The following CASZ1 variants were observed in gnomAD, a reference collection of about 807,000 sequenced individuals.
CASZ1 encodes the protein castor zinc finger 1.
Under a neutral mutation model 135.2 loss-of-function variants are expected in CASZ1, and 28 were observed. The ratio of observed to expected loss-of-function variants is 0.21; its 90% confidence interval spans 0.15 to 0.28. The LOEUF (loss-of-function observed/expected upper bound fraction) is 0.28, where lower values mean the gene tolerates loss of function less well. Among genes scored for constraint, CASZ1 ranks in the 10% least tolerant of loss-of-function variants. The probability of loss-of-function intolerance (pLI) is 1.00; values close to 1 mark genes in which losing one functional copy is unlikely to be tolerated. For missense variants in CASZ1, 2,161 were observed against 2,453.3 expected (o/e 0.88, Z 2.52); for synonymous variants, 1,068 against 1,073.4 (o/e 0.99, Z 0.10).
intron 4 of CASZ1, among the ~76,000 whole-genome samples, chr1:10,677,890 C>T (rs546205732): frequency 6.6e-6 from 1 of 152,334 alleles, no homozygotes; most frequent in East Asian, 1.9e-4. Context: ...CCAGCACCTG[C>T]GGTGTGCGAG....
At chr1:10,728,583 CTTCTT>C (rs1639637902) in intron 2 of CASZ1, among the ~76,000 whole-genome samples, 1 of 152,022 alleles carries the variant, frequency 6.6e-6, no homozygotes, top group South Asian at 2.1e-4. Context: ...TCTTTCTTGG[CTTCTT>C]TTTTTAATTA....
At chr1:10,680,515 G>C (rs1292674648) in intron 4 of CASZ1, among the ~76,000 whole-genome samples, 2 of 152,210 alleles carry the variant, frequency 1.3e-5, no homozygotes, top group Admixed American at 6.5e-5. Flanking sequence ...GGGATCCTGG[G>C]AGGATGGCTT....
chr1:10,702,981 A>AGAG (rs1356685796), intron 3 of CASZ1, among the ~76,000 whole-genome samples: 4 of 151,908 alleles, frequency 2.6e-5, no homozygotes, highest in South Asian at 4.2e-4. Context: ...AGAGAGAGAG[A>AGAG]GAGAGCGCCA....
intron 2 of CASZ1, among the ~76,000 whole-genome samples, chr1:10,749,021 G>A (rs1570555916): frequency 1.3e-5 from 2 of 152,260 alleles, no homozygotes; most frequent in East Asian, 3.9e-4. Context: ...CTTTGATGAG[G>A]AGCCCTGCGG....
rs1278469999 is a variant in CASZ1, at chr1:10,694,354, A to G, written c.-23-442T>C. ...AAATAATCAACTTTCATAATACTTA[A>G]TTAATGCCTAATTGCAACTGATTAC... On this transcript the variant is annotated intron_variant, in intron 3 of 20. Transcript: ENST00000377022. This position sits in a 1 kb window ranked among gnomAD's most constrained non-coding sequence, Gnocchi z 6.6. 8.8e-7 allele frequency: 1 copy of G among 1,134,436 alleles called. No homozygotes were observed. 70.3% of individuals were successfully genotyped at this position (1,134,436 alleles called of 1,614,324 possible). A position where few individuals can be genotyped will look rare whatever the true frequency, so the allele number is the denominator to read the frequency against.
In CASZ1 at chr1:10,747,856, G is replaced by A. The variant is rs961424073; in HGVS notation, c.-77+12845C>T. On this transcript the variant is annotated intron_variant, in intron 2 of 20. Coordinates refer to ENST00000377022, the MANE Select transcript of CASZ1 (RefSeq NM_001079843.3). The surrounding 1 kb of genome is among the most constrained non-coding windows in gnomAD (Gnocchi z 4.3). Reference sequence around the variant, plus strand: ...TTTTGAGATGGAGTCTCGCTCTGCCGCCCAGGCTGGAGTGCAGTGGTGTGA... The same window carrying A: ...TTTTGAGATGGAGTCTCGCTCTGCCACCCAGGCTGGAGTGCAGTGGTGTGA... Among the ~76,000 whole-genome samples, 6 of 146,596 alleles carry A rather than the reference G, an allele frequency of 4.1e-5. No individual in the cohort carries two copies. The highest frequency in any genetic ancestry group is 2.0e-4 in the East Asian group (1 of 5,020).
intron 2 of CASZ1, among the ~76,000 whole-genome samples, chr1:10,748,183 G>A (rs1258156528): frequency 6.6e-6 from 1 of 152,214 alleles, no homozygotes; most frequent in Non-Finnish European, 1.5e-5. Flanking sequence ...AGGAGAAGGT[G>A]ATTGCCAGGC....
chr1:10,643,067 G>C, intron 19 of CASZ1, 67 bp from the exon 20 acceptor site: 1 of 1,594,236 alleles, frequency 6.3e-7, no homozygotes, highest in Non-Finnish European at 8.6e-7. Context: ...AGGGCAGGCT[G>C]AGGCTCCATG....
intron 2 of CASZ1, among the ~76,000 whole-genome samples, chr1:10,751,087 A>AATT (rs902682154): frequency 6.6e-5 from 10 of 151,196 alleles, no homozygotes; most frequent in African/African-American, 1.5e-4. Context: ...TATTATTATT[A>AATT]ATTATTATTA....
chr1:10,734,295 A>AT (rs60177133), intron 2 of CASZ1, among the ~76,000 whole-genome samples: 1 of 150,660 alleles, frequency 6.6e-6, no homozygotes, highest in African/African-American at 2.5e-5. Context: ...AAAAAAAAAA[A>AT]TCCCATGGCC....
At chr1:10,781,712 T>C (rs974092601) in intron 1 of CASZ1, among the ~76,000 whole-genome samples, 2 of 151,376 alleles carry the variant, frequency 1.3e-5, no homozygotes, top group African/African-American at 4.9e-5. Flanking sequence ...GAGGGTGGAG[T>C]AGAGACAGTA....
intron 1 of CASZ1, among the ~76,000 whole-genome samples, chr1:10,772,072 G>C (rs1640586939): frequency 6.7e-6 from 1 of 150,000 alleles, no homozygotes; most frequent in Non-Finnish European, 1.5e-5. Flanking sequence ...CGTGACACCT[G>C]GGGGGAGCCT....
At chr1:10,743,513 G>A (rs1639970890) in intron 2 of CASZ1, among the ~76,000 whole-genome samples, 1 of 151,584 alleles carries the variant, frequency 6.6e-6, no homozygotes, top group South Asian at 2.1e-4. Context: ...GGGATGGGCT[G>A]GGGGCCGGGG....
At chr1:10,746,026 G>A (rs549539540) in intron 2 of CASZ1, among the ~76,000 whole-genome samples, 36 of 152,368 alleles carry the variant, frequency 2.4e-4, no homozygotes, top group African/African-American at 2.2e-4. Context: ...AGCCTGTGGC[G>A]TGCCCGGCCC....
rs951854324 is a variant in CASZ1, at chr1:10,648,420, C to T, written c.3159-281G>A. ...GCTCCTCCATATGTGTGACAGCAGG[C>T]CCTGCCCCAGGAAGCCTCTTCCTTC... On this transcript the variant is annotated intron_variant, in intron 15 of 20. Transcript: ENST00000377022. 182 of 381,644 alleles carry T rather than the reference C, an allele frequency of 4.8e-4. 1 individual carries two copies. Among genetic ancestry groups the T allele is most frequent in the Admixed American group, 3.7e-4 (9 of 24,274 alleles). 23.6% of individuals were successfully genotyped at this position (381,644 alleles called of 1,614,324 possible).
chr1:10,704,848 C>T (rs1329355691), intron 3 of CASZ1, among the ~76,000 whole-genome samples: 1 of 152,262 alleles, frequency 6.6e-6, no homozygotes, highest in African/African-American at 2.4e-5. Context: ...GCGCCACCAC[C>T]CCGGGGACTG....
At position 10,776,796 on chromosome 1, in the gene CASZ1, C is replaced by T. The variant is rs937969915; in HGVS notation, c.-233-15939G>A. Among the ~76,000 whole-genome samples, 1 of 152,180 alleles carries T rather than the reference C, an allele frequency of 6.6e-6. No homozygotes were observed. Among genetic ancestry groups the T allele is most frequent in the Non-Finnish European group, 1.5e-5 (1 of 68,026 alleles). On this transcript the variant is annotated intron_variant, in intron 1 of 20. Transcript: ENST00000377022. The surrounding 1 kb of genome is among the most constrained non-coding windows in gnomAD (Gnocchi z 4.1). The stretch of plus-strand genomic sequence containing the variant: ...GGCTCTATGGGGGCCAACCCTCTTG[C>T]TCATCTTGGGAGGTGGCTGCTTGCC...
rs556416855 is a variant in CASZ1, at chr1:10,709,039, G to A, written c.-76-3495C>T. ...GATGGGACGGGGGAGAGTGACAGGC[G>A]GAGAAGTGGCAGGGACCAGCGTACC... On this transcript the variant is annotated intron_variant, in intron 2 of 20. Transcript: ENST00000377022. The surrounding 1 kb of genome is among the most constrained non-coding windows in gnomAD (Gnocchi z 5.1). Among the ~76,000 whole-genome samples, 3 of 151,992 alleles carry A rather than the reference G, an allele frequency of 2.0e-5. No individual in the cohort carries two copies. The highest frequency in any genetic ancestry group is 2.1e-4 in the South Asian group (1 of 4,812).
Position 10,665,144 on chromosome 1 carries a change from C to A in CASZ1, c.444G>T (p.Glu148Asp). 1 of 1,533,046 alleles carries A rather than the reference C, an allele frequency of 6.5e-7. No individual in the cohort carries two copies. Among genetic ancestry groups the A allele is most frequent in the Non-Finnish European group, 8.8e-7 (1 of 1,138,106 alleles). The allele number at this position is 1,533,046 out of a possible 1,614,324, so 95.0% of individuals were successfully genotyped here. A position where few individuals can be genotyped will look rare whatever the true frequency, so the allele number is the denominator to read the frequency against. The change falls in exon 5 of 21, where the codon GAG (glutamate) becomes GAT (aspartate). Residue 148 changes from glutamate to aspartate, a missense_variant. By Grantham distance (45) the Glu-to-Asp change is conservative (BLOSUM62 2). This residue lies in a region of CASZ1 where 590 missense variants were observed against 609.8 expected (regional missense o/e 0.97). Coordinates refer to ENST00000377022, the MANE Select transcript of CASZ1 (RefSeq NM_001079843.3). ...EPSKDGGALE[E>D]KDSDGAASKE... ...TGGAGGCTGCCCCGTCCGAATCCTT[C>A]TCCTCCAGGGCACCGCCGTCCTTGG...
Sources: allele counts gnomAD v4.1 joint callset (sites outside exome capture counted in the v4.1 genomes callset), GRCh38; gene constraint gnomAD v4.1.1; regional missense constraint gnomAD v4.1.1; non-coding constraint Gnocchi (gnomAD v3.1); transcripts MANE v1.5; gene names NCBI Gene and HGNC (gene_info 2026-07-23, HGNC 2026-07-21).